TINAG: variants seen among roughly 807,000 people sequenced by gnomAD.
TINAG encodes the protein tubulointerstitial nephritis antigen.
In TINAG, 83 loss-of-function variants were observed where a neutral mutation model predicts 72.7. That is an observed-to-expected ratio of 1.14 (90% CI 0.96 to 1.37). The LOEUF is 1.37. TINAG is among the 40% of genes most tolerant of loss of function. The pLI is 0.00. For missense variants in TINAG, 685 were observed against 576.6 expected, an observed-to-expected ratio of 1.19 and a Z score of -1.93; for synonymous variants, 234 against 189.9, an observed-to-expected ratio of 1.23 and a Z score of -1.91.
At chr6:54,342,377 G>C (rs1284475307) in intron 4 of TINAG, among the ~76,000 whole-genome samples, 1 of 97,544 alleles carries the variant, frequency 1.0e-5, no homozygotes, top group Admixed American at 1.1e-4. Flanking sequence ...TTTTTTTTTT[G>C]AGATGGAGTC....
chr6:54,337,153 T>C (rs1443031129), intron 4 of TINAG, among the ~76,000 whole-genome samples: 1 of 152,008 alleles, frequency 6.6e-6, no homozygotes, highest in Non-Finnish European at 1.5e-5. Context: ...AGAAATATAT[T>C]TCAATGACAG....
At chr6:54,307,987 T>C (rs1784151034), upstream of TINAG, 21 of 1,514,854 alleles carry the variant, frequency 1.4e-5, no homozygotes, top group Non-Finnish European at 1.9e-5. Context: ...GGAGTACAGA[T>C]GGGAAATCAA....
chr6:54,308,868 A>G lies in TINAG; in HGVS notation c.318A>G (p.Lys106=). Residue 106 remains lysine (K), a synonymous_variant, in exon 1 of 11, where the codon AAA becomes AAG. Coordinates refer to ENST00000259782, the MANE Select transcript of TINAG (RefSeq NM_014464.4). ...PDYKSFCREE[K]EWPPHTQPWY... is the part of the protein sequence containing the mutation. ...ACAAGTCCTTTTGCCGTGAAGAGAA[A>G]GAATGGCCTCCTCACACACAGCCTT... is the stretch of plus-strand genomic sequence containing the variant. 6.2e-7 allele frequency: 1 copy of G among 1,613,178 alleles called. No homozygotes were observed. The highest frequency in any genetic ancestry group is 8.5e-7 in the Non-Finnish European group (1 of 1,179,606).
At chr6:54,336,115 C>T (rs895808486) in intron 4 of TINAG, among the ~76,000 whole-genome samples, 1 of 152,094 alleles carries the variant, frequency 6.6e-6, no homozygotes, top group Admixed American at 6.6e-5. Context: ...GGCTCCTTCA[C>T]TTATTACCTC....
intron 4 of TINAG, among the ~76,000 whole-genome samples, chr6:54,328,039 G>T (rs1312442987): frequency 6.6e-6 from 1 of 152,144 alleles, no homozygotes. Flanking sequence ...TGTGGGAGCA[G>T]CTTCAGCAGA....
At chr6:54,340,885 A>G (rs1784981120) in intron 4 of TINAG, among the ~76,000 whole-genome samples, 2 of 152,184 alleles carry the variant, frequency 1.3e-5, no homozygotes, top group South Asian at 2.1e-4. Context: ...TTTAACTTAA[A>G]GTGCCTATGG....
At chr6:54,365,056 G>T (rs894890227) in intron 9 of TINAG, among the ~76,000 whole-genome samples, 3 of 151,342 alleles carry the variant, frequency 2.0e-5, no homozygotes, top group African/African-American at 7.3e-5. Context: ...GAATTTTCAT[G>T]CTATGTTATG....
intron 9 of TINAG, among the ~76,000 whole-genome samples, chr6:54,376,860 A>T (rs887019601): frequency 2.6e-5 from 4 of 152,118 alleles, no homozygotes; most frequent in Admixed American, 1.3e-4. Context: ...ATCCTGAAGG[A>T]AGAGCTTAAA....
chr6:54,327,144 T>A, intron 4 of TINAG: 1 of 1,548,352 alleles, frequency 6.5e-7, no homozygotes. Context: ...CCTTTAGGAA[T>A]GATTGAATGG....
chr6:54,375,936 C>T lies in TINAG; in HGVS notation c.1251-4590C>T, dbSNP rs114124681. ...TTTATCACCAACTTTGTAAATGCCACGTCTGGTAACCATCTTGGAGGACTG... is the reference window on the plus strand; with the variant it reads ...TTTATCACCAACTTTGTAAATGCCATGTCTGGTAACCATCTTGGAGGACTG... On this transcript the variant is annotated intron_variant, in intron 9 of 10. Transcript: ENST00000259782. Among the ~76,000 whole-genome samples the T allele has an allele frequency of 5.7e-3, 873 of 152,230 alleles. 11 individuals carry two copies. The highest frequency in any genetic ancestry group is 0.02 in the African/African-American group (824 of 41,550).
At chr6:54,320,431 A>AAC in intron 1 of TINAG, 148 bp from the exon 2 acceptor site, 1 of 558,968 alleles carries the variant, frequency 1.8e-6, no homozygotes. Flanking sequence ...ACCTTGACAC[A>AAC]AACCTGACAT....
chr6:54,387,513 G>C (rs1304332267), intron 10 of TINAG, among the ~76,000 whole-genome samples: 4 of 152,120 alleles, frequency 2.6e-5, no homozygotes, highest in Non-Finnish European at 5.9e-5. Context: ...TTTTTGTAAA[G>C]ATCAATTATA....
At chr6:54,382,382 G>A (rs535526676) in intron 10 of TINAG, among the ~76,000 whole-genome samples, 2 of 151,996 alleles carry the variant, frequency 1.3e-5, no homozygotes, top group African/African-American at 4.8e-5. Context: ...GGTACATAGT[G>A]AGAATATAAA....
Position 54,343,187 on chromosome 6 carries a change from T to G in TINAG, c.625-39T>G, listed in dbSNP as rs188137670. On this transcript the variant is annotated intron_variant, in intron 4 of 10. Coordinates refer to ENST00000259782, the MANE Select transcript of TINAG (RefSeq NM_014464.4). ...TGACATTTTCCTATTGAGACATATT[T>G]GAGAAAATCTCATATATGTACCTCT... 2,058 of 1,439,386 alleles carry G rather than the reference T, an allele frequency of 1.4e-3. 3 individuals are homozygous for G. Among genetic ancestry groups the G allele is most frequent in the Non-Finnish European group, 1.6e-3 (1,787 of 1,086,800 alleles). 89.2% of individuals were successfully genotyped at this position (1,439,386 alleles called of 1,614,324 possible). A position where few individuals can be genotyped will look rare whatever the true frequency, so the allele number is the denominator to read the frequency against.
chr6:54,360,500 A>G (rs1763193261), intron 9 of TINAG, among the ~76,000 whole-genome samples: 1 of 151,548 alleles, frequency 6.6e-6, no homozygotes, highest in Non-Finnish European at 1.5e-5. Flanking sequence ...CCCACCCAAT[A>G]TTCTCCATAT....
intron 1 of TINAG, among the ~76,000 whole-genome samples, chr6:54,319,721 A>G (rs2150934599): frequency 6.6e-6 from 1 of 152,266 alleles, no homozygotes; most frequent in Admixed American, 6.5e-5. Context: ...TGATTTTAGG[A>G]ATAAAAGGTT....
chr6:54,389,730 C>CT (rs1156819698), intron 10 of TINAG, 61 bp from the exon 11 acceptor site: 318 of 1,535,694 alleles, frequency 2.1e-4, no homozygotes, highest in Non-Finnish European at 2.4e-4. Flanking sequence ...TTCTCCATGG[C>CT]TTTTTTTAAA....
chr6:54,366,908 A>C (rs1043665093), intron 9 of TINAG: 4 of 151,672 alleles, frequency 2.6e-5, no homozygotes, highest in East Asian at 1.9e-4. Flanking sequence ...GAAGGAACTT[A>C]TGAGTAAGTG....
chr6:54,353,425 A>T (rs1280771537), intron 8 of TINAG, among the ~76,000 whole-genome samples: 3 of 151,882 alleles, frequency 2.0e-5, no homozygotes, highest in Admixed American at 6.6e-5. Context: ...AAAAGCCAAT[A>T]GAACCCTGAA....
Sources: gnomAD v4.1 joint callset for allele counts (sites outside exome capture counted in the v4.1 genomes callset) on GRCh38, gnomAD v4.1.1 for gene constraint, MANE v1.5 for transcripts, NCBI Gene and HGNC (gene_info 2026-07-23, HGNC 2026-07-21) for gene names.